The following KMO variants were observed in gnomAD, a reference collection of about 807,000 sequenced individuals.
KMO encodes the protein kynurenine 3-hydroxylase.
A neutral mutation model predicts 57.8 loss-of-function variants in KMO; 24 were observed. The observed-to-expected ratio is 0.42, with a 90% CI of 0.30 to 0.58. The LOEUF (loss-of-function observed/expected upper bound fraction) is 0.58. KMO is among the 20% of genes least tolerant of loss of function. KMO has a pLI of 0.22. For missense variants in KMO, 483 were observed against 588.2 expected (o/e 0.82, Z 1.85); for synonymous variants, 210 against 193.6 (o/e 1.08, Z -0.70).
Position 241,540,039 on chromosome 1 carries a change from G to C in KMO, c.54+7541G>C, listed in dbSNP as rs182501680. ...ATCTTTTGACGTGGAAATGTATTTA[G>C]AGTACACTTTTCATTTTTTGAAAGA... On this transcript the variant is annotated intron_variant, in intron 1 of 14. Transcript: ENST00000366559. 2.0e-3 allele frequency among the ~76,000 whole-genome samples: 302 copies of C among 152,234 alleles called. 1 individual carries two copies. Among genetic ancestry groups the C allele is most frequent in the African/African-American group, 7.0e-3 (290 of 41,546 alleles).
chr1:241,537,680 G>C (rs979313185), intron 1 of KMO, among the ~76,000 whole-genome samples: 2 of 152,068 alleles, frequency 1.3e-5, no homozygotes, highest in Non-Finnish European at 2.9e-5. Flanking sequence ...ACGTGACTGG[G>C]GAGGTCTCAT....
intron 10 of KMO, among the ~76,000 whole-genome samples, chr1:241,574,338 C>T (rs1226886810): frequency 1.3e-5 from 2 of 151,958 alleles, no homozygotes; most frequent in Non-Finnish European, 2.9e-5. Flanking sequence ...GGCATCCTTG[C>T]CTTGTTTCAG....
intron 4 of KMO, among the ~76,000 whole-genome samples, chr1:241,551,916 C>T (rs565479914): frequency 6.6e-6 from 1 of 152,246 alleles, no homozygotes; most frequent in African/African-American, 2.4e-5. Flanking sequence ...ACGTTTCTAA[C>T]GAGCTTCCGG....
At chr1:241,542,235 A>T (rs1184276420) in intron 1 of KMO, among the ~76,000 whole-genome samples, 3 of 152,182 alleles carry the variant, frequency 2.0e-5, no homozygotes, top group Non-Finnish European at 4.4e-5. Flanking sequence ...TCACATGGGA[A>T]CTGACAGAAA....
intron 10 of KMO, among the ~76,000 whole-genome samples, chr1:241,579,445 G>C (rs532641443): frequency 6.6e-6 from 1 of 152,210 alleles, no homozygotes; most frequent in South Asian, 2.1e-4. Flanking sequence ...CCAGGAGACA[G>C]TTTTCTGGCC....
chr1:241,575,282 T>C (rs1662467032), intron 10 of KMO, among the ~76,000 whole-genome samples: 1 of 152,130 alleles, frequency 6.6e-6, no homozygotes, highest in Non-Finnish European at 1.5e-5. Flanking sequence ...CTCCGATCTT[T>C]GTTTATTTCT....
intron 4 of KMO, among the ~76,000 whole-genome samples, chr1:241,554,175 A>G (rs1454155792): frequency 6.6e-6 from 1 of 152,182 alleles, no homozygotes; most frequent in Admixed American, 6.6e-5. Flanking sequence ...AAAGATTAAT[A>G]AAATCCAGGC....
intron 10 of KMO, among the ~76,000 whole-genome samples, chr1:241,575,365 AT>A: frequency 6.6e-6 from 1 of 151,950 alleles, no homozygotes; most frequent in African/African-American, 2.4e-5. Context: ...GATGTTGTCA[AT>A]TTGTGATGTT....
chr1:241,565,511 A>G (rs986863999), intron 8 of KMO, among the ~76,000 whole-genome samples: 4 of 150,602 alleles, frequency 2.7e-5, no homozygotes, highest in Non-Finnish European at 4.4e-5. Flanking sequence ...GCTTGAGCTC[A>G]GGAGTTCAAG....
At position 241,571,940 on chromosome 1, in the gene KMO, G is replaced by A. The variant is rs561710669; in HGVS notation, c.957+3293G>A. 4.7e-4 allele frequency among the ~76,000 whole-genome samples: 64 copies of A among 135,678 alleles called. 1 individual carries two copies. The highest frequency in any genetic ancestry group is 7.2e-4 in the Non-Finnish European group (47 of 65,108). 89.0% of individuals were successfully genotyped at this position (135,678 alleles called of 152,430 possible). On this transcript the variant is annotated intron_variant, in intron 10 of 14. Coordinates refer to ENST00000366559, the MANE Select transcript of KMO (RefSeq NM_003679.5). Reference sequence around the variant, plus strand: ...GGAGTGCAGTGGTGCAATCTCTGCCGACTGCAACCTCCACCTCCCGGGTTT... The same window carrying A: ...GGAGTGCAGTGGTGCAATCTCTGCCAACTGCAACCTCCACCTCCCGGGTTT...
intron 10 of KMO, among the ~76,000 whole-genome samples, chr1:241,584,654 T>C (rs977377363): frequency 3.3e-4 from 50 of 152,238 alleles, no homozygotes; most frequent in African/African-American, 1.2e-3. Context: ...TGTGTGTGTG[T>C]GTGCACTAAT....
chr1:241,540,920 C>T (rs1209193949), intron 1 of KMO, among the ~76,000 whole-genome samples: 1 of 151,950 alleles, frequency 6.6e-6, no homozygotes, highest in African/African-American at 2.4e-5. Context: ...AAAAATTAGC[C>T]AGGCATAGCA....
chr1:241,579,907 C>T (rs1462597572), intron 10 of KMO, among the ~76,000 whole-genome samples: 2 of 152,168 alleles, frequency 1.3e-5, no homozygotes, highest in African/African-American at 4.8e-5. Flanking sequence ...AATGTAGAAT[C>T]AGGAATAACC....
chr1:241,591,919 G>C (rs1663316480), intron 14 of KMO, 34 bp from the exon 15 acceptor site: 1 of 1,555,766 alleles, frequency 6.4e-7, no homozygotes, highest in Middle Eastern at 1.7e-4. Flanking sequence ...TTAATCTCTG[G>C]ACAAATGAAA....
At chr1:241,537,244 G>C (rs1248746887) in intron 1 of KMO, among the ~76,000 whole-genome samples, 2 of 152,032 alleles carry the variant, frequency 1.3e-5, no homozygotes, top group African/African-American at 4.8e-5. Flanking sequence ...CAGATCTCTA[G>C]CTTTGTTCTC....
At chr1:241,572,292 T>C (rs776810087) in intron 10 of KMO, among the ~76,000 whole-genome samples, 10 of 152,166 alleles carry the variant, frequency 6.6e-5, no homozygotes, top group Admixed American at 1.3e-4. Context: ...GGAATTTCTT[T>C]ATGATTCAAT....
intron 11 of KMO, among the ~76,000 whole-genome samples, chr1:241,587,110 G>C (rs889704833): frequency 6.6e-6 from 1 of 152,118 alleles, no homozygotes. Context: ...CGGGTTTCAC[G>C]GAAGACAGTG....
chr1:241,548,846 A>C lies in KMO; in HGVS notation c.72A>C (p.Ala24=), dbSNP rs368539566. The C allele has an allele frequency of 6.9e-6, 11 of 1,599,978 alleles. No homozygotes were observed. The highest frequency in any genetic ancestry group is 9.4e-6 in the Non-Finnish European group (11 of 1,167,704). ...ATTTCTAGGTTGGCTCATTACAAGC[A>C]TGCTTTCTTGCAAAGAGGAATTTCC... ...IGGGLVGSLQ[A]CFLAKRNFQI... The change falls in exon 2 of 15, where the codon GCA becomes GCC. Residue 24 remains alanine, a synonymous_variant. Transcript: ENST00000366559.
chr1:241,588,628 T>G, intron 11 of KMO, 120 bp from the exon 12 acceptor site: 1 of 637,264 alleles, frequency 1.6e-6, no homozygotes, highest in East Asian at 2.8e-5. Context: ...AGAATGGTTA[T>G]TTATAGTTTA....
Sources: allele counts gnomAD v4.1 joint callset (sites outside exome capture counted in the v4.1 genomes callset), GRCh38; gene constraint gnomAD v4.1.1; transcripts MANE v1.5; gene names NCBI Gene and HGNC (gene_info 2026-07-23, HGNC 2026-07-21).